The following HEMGN variants were observed in gnomAD, a reference collection of about 807,000 sequenced individuals.
The protein encoded by HEMGN is erythroid differentiation-associated gene protein.
In HEMGN, 32 loss-of-function variants were observed where a neutral mutation model predicts 45.7. That is an observed-to-expected ratio of 0.70 (90% CI 0.53 to 0.94). The LOEUF (loss-of-function observed/expected upper bound fraction) is 0.94. Ranked by LOEUF, HEMGN falls within the 40% of genes least tolerant of loss-of-function variation. The probability of loss-of-function intolerance (pLI) is 0.00; values close to 1 mark genes in which losing one functional copy is unlikely to be tolerated. For missense variants in HEMGN, 530 were observed against 564.2 expected (o/e 0.94, Z 0.61); for synonymous variants, 183 against 178.6 (o/e 1.02, Z -0.20).
chr9:97,934,085 G>A (rs1461443875), intron 2 of HEMGN, among the ~76,000 whole-genome samples: 7 of 152,276 alleles, frequency 4.6e-5, no homozygotes, highest in African/African-American at 1.4e-4. Flanking sequence ...AGTGGCTCAC[G>A]CCTGTAATCC....
At chr9:97,929,955 T>TA (rs79474766) in intron 3 of HEMGN, 80 bp downstream of exon 3, 332,211 of 993,840 alleles carry the variant, frequency 0.33, 59,220 homozygotes, top group Non-Finnish European at 0.37. Flanking sequence ...TAACAGGGAA[T>TA]ACCCAGGATT....
intron 2 of HEMGN, among the ~76,000 whole-genome samples, chr9:97,933,527 C>T (rs1204646444): frequency 6.6e-6 from 1 of 152,182 alleles, no homozygotes; most frequent in Non-Finnish European, 1.5e-5. Flanking sequence ...GGTCTAGAAA[C>T]CCTGAGTATG....
Position 97,927,371 on chromosome 9 carries a change from T to C in HEMGN, c.*13A>G, listed in dbSNP as rs1826846666. ...TATGTTCCATTGGACCACAACTTTA[T>C]GGTTGAGCATTGTTAAAACAAAACA... On this transcript the variant is annotated 3_prime_UTR_variant, in exon 4 of 4. Transcript: ENST00000616898. 1 of 1,478,832 alleles carries C rather than the reference T, an allele frequency of 6.8e-7. No homozygotes were observed. 91.6% of individuals were successfully genotyped at this position (1,478,832 alleles called of 1,614,324 possible).
intron 3 of HEMGN, among the ~76,000 whole-genome samples, chr9:97,929,429 AAG>A (rs1374073639): frequency 1.3e-5 from 2 of 152,234 alleles, no homozygotes; most frequent in Admixed American, 6.5e-5. Context: ...GTATTGTACA[AAG>A]AGAGCTGAAG....
chr9:97,940,367 C>G (rs535472876), upstream of HEMGN, among the ~76,000 whole-genome samples: 30 of 152,240 alleles, frequency 2.0e-4, no homozygotes, highest in Admixed American at 1.9e-3. Context: ...TTCCCTGTAT[C>G]TAGAAGCAGA....
chr9:97,929,266 G>A (rs983780921), intron 3 of HEMGN, among the ~76,000 whole-genome samples: 2 of 152,286 alleles, frequency 1.3e-5, no homozygotes, highest in South Asian at 4.1e-4. Context: ...TTCAAAACTG[G>A]TATTACTTGG....
Position 97,927,192 on chromosome 9 carries a change from C to T in HEMGN, c.*192G>A, listed in dbSNP as rs1826843161. On this transcript the variant is annotated 3_prime_UTR_variant, in exon 4 of 4. Transcript: ENST00000616898. ...ATACACACACACACACACACACACA[C>T]ACACACATTCTAGCATGATATTGTC... is the stretch of plus-strand genomic sequence containing the variant. 8 of 427,682 alleles carry T rather than the reference C, an allele frequency of 1.9e-5. No individual in the cohort carries two copies. In the Admixed American group the frequency reaches 3.1e-4, roughly 17 times the overall value. 26.5% of individuals were successfully genotyped at this position (427,682 alleles called of 1,614,324 possible). A position where few individuals can be genotyped will look rare whatever the true frequency, so the allele number is the denominator to read the frequency against.
chr9:97,938,262 G>T (rs1392233746), upstream of HEMGN: 3 of 659,664 alleles, frequency 4.5e-6, no homozygotes, highest in East Asian at 7.9e-5. Flanking sequence ...CCTGTCACTT[G>T]ACTTCCCGCC....
At chr9:97,927,970 G>A (rs940621941) in intron 3 of HEMGN, among the ~76,000 whole-genome samples, 1 of 151,544 alleles carries the variant, frequency 6.6e-6, no homozygotes, top group Admixed American at 6.6e-5. Flanking sequence ...AGACCATTAG[G>A]TGTGTTTTAT....
chr9:97,930,614 A>G lies in HEMGN; in HGVS notation c.781T>C (p.Tyr261His). Reference sequence around the variant, plus strand: ...CCTTTAGGCACATCTGGTTTTGGATATGCTTGAAGAGAGCATCCTGCCAGA... The same window carrying G: ...CCTTTAGGCACATCTGGTTTTGGATGTGCTTGAAGAGAGCATCCTGCCAGA... ...ADLAGCSLQA[Y>H]PKPDVPKGYI... The change falls in exon 3 of 4, where the codon TAT (tyrosine) becomes CAT (histidine). Residue 261 changes from tyrosine (Y) to histidine (H), a missense_variant. Coordinates refer to ENST00000616898, the MANE Select transcript of HEMGN (RefSeq NM_197978.3). The G allele has an allele frequency of 1.2e-6, 2 of 1,614,180 alleles. No homozygotes were observed. The highest frequency in any genetic ancestry group is 1.7e-6 in the Non-Finnish European group (2 of 1,180,026).
chr9:97,938,291 G>A (rs1235469451), upstream of HEMGN: 3 of 617,916 alleles, frequency 4.9e-6, no homozygotes, highest in Non-Finnish European at 8.7e-6. Context: ...TTATCTGGTT[G>A]GACCACAACT....
At chr9:97,931,417 A>G (rs1158660557) in intron 2 of HEMGN, among the ~76,000 whole-genome samples, 196 bp from the exon 3 acceptor site, 1 of 152,156 alleles carries the variant, frequency 6.6e-6, no homozygotes, top group Non-Finnish European at 1.5e-5. Context: ...AGGAGAGGGA[A>G]TGTTTCTCCA....
intron 3 of HEMGN, among the ~76,000 whole-genome samples, chr9:97,928,864 T>C (rs968633930): frequency 1.1e-4 from 16 of 152,160 alleles, no homozygotes; most frequent in Admixed American, 3.9e-4. Flanking sequence ...ATATTGTAAA[T>C]GAAAACAAAA....
At chr9:97,933,661 G>T (rs778466463) in intron 2 of HEMGN, among the ~76,000 whole-genome samples, 2 of 152,048 alleles carry the variant, frequency 1.3e-5, no homozygotes, top group Non-Finnish European at 2.9e-5. Context: ...ATTTCCAAGG[G>T]CTCTGGCTAC....
At chr9:97,942,941 T>C (rs1328758228), upstream of HEMGN, among the ~76,000 whole-genome samples, 2 of 152,190 alleles carry the variant, frequency 1.3e-5, no homozygotes, top group African/African-American at 4.8e-5. Context: ...TGGTACACTT[T>C]GGTTTGTCAT....
upstream of HEMGN, among the ~76,000 whole-genome samples, chr9:97,940,243 C>G (rs1308745856): frequency 6.6e-6 from 1 of 152,134 alleles, no homozygotes; most frequent in African/African-American, 2.4e-5. Context: ...TTCCTGAGCC[C>G]TGTGCCCTGT....
At chr9:97,928,412 G>A (rs1015704080) in intron 3 of HEMGN, among the ~76,000 whole-genome samples, 3 of 152,186 alleles carry the variant, frequency 2.0e-5, no homozygotes, top group South Asian at 2.1e-4. Flanking sequence ...TGGGGAAAAG[G>A]CACCTGTCTC....
chr9:97,934,172 C>G (rs1292696205), intron 2 of HEMGN, among the ~76,000 whole-genome samples: 3 of 152,030 alleles, frequency 2.0e-5, no homozygotes, highest in Non-Finnish European at 4.4e-5. Flanking sequence ...CATGGCGAAA[C>G]CCCGTCTCTA....
chr9:97,932,995 TTGTTATTTAAA>T (rs1449298144), intron 2 of HEMGN, among the ~76,000 whole-genome samples: 1 of 152,120 alleles, frequency 6.6e-6, no homozygotes, highest in African/African-American at 2.4e-5. Flanking sequence ...CCTAAAGAAG[TTGTTATTTAAA>T]TCTCTGTATG....
Sources: gnomAD v4.1 joint callset for allele counts (sites outside exome capture counted in the v4.1 genomes callset) on GRCh38, gnomAD v4.1.1 for gene constraint, MANE v1.5 for transcripts, NCBI Gene and HGNC (gene_info 2026-07-23, HGNC 2026-07-21) for gene names.